NPAS3: variants seen among roughly 807,000 people sequenced by gnomAD.
NPAS3 encodes the protein neuronal PAS domain protein 3.
Under a neutral mutation model 73.1 loss-of-function variants are expected in NPAS3, and 14 were observed. The ratio of observed to expected loss-of-function variants is 0.19; its 90% CI spans 0.13 to 0.30. The LOEUF (loss-of-function observed/expected upper bound fraction) is 0.30. Ranked by LOEUF, NPAS3 falls within the 10% of genes least tolerant of loss-of-function variation. The pLI, the probability that NPAS3 is intolerant of heterozygous loss-of-function variation, is 1.00. For synonymous variants in NPAS3, 620 were observed against 541.5 expected, an observed-to-expected ratio of 1.14 and a Z score of -2.01; for missense variants, 1,096 against 1,250.0, an observed-to-expected ratio of 0.88 and a Z score of 1.86.
intron 4 of NPAS3, among the ~76,000 whole-genome samples, chr14:33,499,187 G>T (rs558107893): frequency 8.8e-4 from 133 of 151,878 alleles, no homozygotes; most frequent in African/African-American, 3.0e-3. Context: ...TTATCGAAAA[G>T]AGCACCATGT....
At chr14:33,016,859 T>C (rs1009644563) in intron 1 of NPAS3, among the ~76,000 whole-genome samples, 3 of 152,194 alleles carry the variant, frequency 2.0e-5, no homozygotes, top group Admixed American at 6.5e-5. Context: ...AGGCGTTTCA[T>C]AAATATTTGC....
chr14:33,342,010 C>A (rs574077268), intron 3 of NPAS3, among the ~76,000 whole-genome samples: 10 of 152,304 alleles, frequency 6.6e-5, no homozygotes, highest in Non-Finnish European at 1.2e-4. Flanking sequence ...CCCTGGGAGA[C>A]AAGATTTTCC....
At chr14:33,663,489 C>T (rs2059367193) in intron 5 of NPAS3, among the ~76,000 whole-genome samples, 1 of 152,026 alleles carries the variant, frequency 6.6e-6, no homozygotes, top group East Asian at 1.9e-4. Flanking sequence ...TGAGGATTTT[C>T]AAATCGATGT....
rs1222474179 is a variant in NPAS3, at chr14:33,465,708, A to T, written c.469-94413A>T. On this transcript the variant is annotated intron_variant, in intron 4 of 11. Coordinates refer to ENST00000356141, the Ensembl canonical transcript of NPAS3. ...CTTAACTTCTATATACTAAATAAAAATGGCCATTACGCTCTTTTATTTCCT... is the reference window on the plus strand; with the variant it reads ...CTTAACTTCTATATACTAAATAAAATTGGCCATTACGCTCTTTTATTTCCT... 2.4e-3 allele frequency among the ~76,000 whole-genome samples: 359 copies of T among 152,348 alleles called. 2 individuals are homozygous for T. Among genetic ancestry groups the T allele is most frequent in the African/African-American group, 8.1e-3 (337 of 41,570 alleles).
intron 3 of NPAS3, among the ~76,000 whole-genome samples, chr14:33,300,742 G>A (rs527952024): frequency 6.6e-6 from 1 of 152,068 alleles, no homozygotes; most frequent in Non-Finnish European, 1.5e-5. Context: ...GGGGTTGGGG[G>A]CCTGGAGAGA....
chr14:33,342,037 T>A (rs1044912995), intron 3 of NPAS3, among the ~76,000 whole-genome samples: 1 of 152,242 alleles, frequency 6.6e-6, no homozygotes, highest in Non-Finnish European at 1.5e-5. Flanking sequence ...CTCTCTTCCT[T>A]GGTCTAATCC....
intron 1 of NPAS3, among the ~76,000 whole-genome samples, chr14:32,958,146 A>C (rs1033347266): frequency 6.6e-6 from 1 of 151,504 alleles, no homozygotes; most frequent in Non-Finnish European, 1.5e-5. Flanking sequence ...TTCTCTTTTT[A>C]TAAAAGCCTG....
intron 2 of NPAS3, among the ~76,000 whole-genome samples, chr14:33,157,352 T>C (rs1040448727): frequency 5.3e-5 from 8 of 152,126 alleles, no homozygotes; most frequent in African/African-American, 1.9e-4. Context: ...ACCCACAGGG[T>C]TTTAGGTTTC....
chr14:33,257,429 A>G (rs569822790), intron 3 of NPAS3, among the ~76,000 whole-genome samples: 25 of 152,194 alleles, frequency 1.6e-4, no homozygotes, highest in African/African-American at 6.0e-4. Context: ...CTACCATAGC[A>G]TTTAAAAAGC....
intron 1 of NPAS3, among the ~76,000 whole-genome samples, chr14:32,958,410 C>T (rs1051210671): frequency 2.6e-5 from 4 of 152,168 alleles, no homozygotes; most frequent in Admixed American, 2.6e-4. Flanking sequence ...CAGCATTTGA[C>T]GCTGCTGATC....
intron 4 of NPAS3, among the ~76,000 whole-genome samples, chr14:33,493,613 G>A (rs41466048): frequency 0.02 from 3,070 of 152,232 alleles, 47 homozygotes; most frequent in South Asian, 0.075. Context: ...GAGATGGTGT[G>A]TAATTAAGGC....
intron 4 of NPAS3, among the ~76,000 whole-genome samples, chr14:33,503,072 T>G (rs1322052382): frequency 6.6e-6 from 1 of 151,994 alleles, no homozygotes; most frequent in Non-Finnish European, 1.5e-5. Flanking sequence ...TCTCTCGAGA[T>G]TTATTCTTTG....
chr14:33,739,644 C>T (rs1451766344), intron 7 of NPAS3, among the ~76,000 whole-genome samples: 1 of 152,148 alleles, frequency 6.6e-6, no homozygotes, highest in Non-Finnish European at 1.5e-5. Context: ...TTTGGAGTAT[C>T]ATAGAGCCCT....
At chr14:33,394,199 T>G (rs1176700449) in intron 4 of NPAS3, among the ~76,000 whole-genome samples, 1 of 152,160 alleles carries the variant, frequency 6.6e-6, no homozygotes, top group African/African-American at 2.4e-5. Context: ...GTTCCCTCAG[T>G]GATGCTGAAG....
intron 3 of NPAS3, among the ~76,000 whole-genome samples, chr14:33,330,885 C>CTTATTTATAAAGAATAA (rs2043954125): frequency 6.6e-6 from 1 of 152,034 alleles, no homozygotes; most frequent in Admixed American, 6.6e-5. Flanking sequence ...AGATGTTTTA[C>CTTATTTATAAAGAATAA]TTATTTATAA....
rs544918190 is a variant in NPAS3, at chr14:33,799,714, C to T, written c.1427-20C>T. On this transcript the variant is annotated intron_variant, in intron 11 of 11. Transcript: ENST00000356141. Reference sequence around the variant, plus strand: ...CTTCTCTCTCCGCCCCCGCCACCGCCGGCCCCCCGCCCCACACAGAGGACA... The same window carrying T: ...CTTCTCTCTCCGCCCCCGCCACCGCTGGCCCCCCGCCCCACACAGAGGACA... 7.1e-6 allele frequency: 11 copies of T among 1,550,080 alleles called. No homozygotes were observed. The highest frequency in any genetic ancestry group is 1.2e-5 in the South Asian group (1 of 84,082).
intron 4 of NPAS3, among the ~76,000 whole-genome samples, chr14:33,445,433 T>G (rs1196833225): frequency 6.6e-6 from 1 of 152,260 alleles, no homozygotes. Context: ...GACATGTGCC[T>G]CCAATTTCTC....
chr14:33,166,060 C>T (rs745779980), intron 2 of NPAS3, among the ~76,000 whole-genome samples: 3 of 152,172 alleles, frequency 2.0e-5, no homozygotes, highest in Non-Finnish European at 2.9e-5. Flanking sequence ...CCATGCCTCC[C>T]CATGTGCTTC....
chr14:33,169,943 T>A (rs1002510339), intron 2 of NPAS3, among the ~76,000 whole-genome samples: 1 of 152,246 alleles, frequency 6.6e-6, no homozygotes, highest in Non-Finnish European at 1.5e-5. Context: ...CAGTGAAAAG[T>A]GACCTAGTAC....
Sources: gnomAD v4.1 joint callset for allele counts (sites outside exome capture counted in the v4.1 genomes callset) on GRCh38, gnomAD v4.1.1 for gene constraint, MANE v1.5 for transcripts, NCBI Gene and HGNC (gene_info 2026-07-23, HGNC 2026-07-21) for gene names.